Variants in ZNF469 observed in about 807,000 individuals in gnomAD.
ZNF469 encodes zinc finger protein 469.
ZNF469 carries 1 observed loss-of-function variant against 1.0 expected under a neutral mutation model. That is an observed-to-expected ratio of 1.00 (90% CI 0.35 to 4.73). ZNF469 has a LOEUF of 4.73. ZNF469 is among the 30% of genes most tolerant of loss of function. The pLI is 0.16. For synonymous variants in ZNF469, 2,703 were observed against 2,363.4 expected (o/e 1.14, Z -4.17); for missense variants, 6,100 against 5,356.3 (o/e 1.14, Z -4.33).
At chr16:88,126,315 G>C in the ZNF469 span, among the ~76,000 whole-genome samples, 2 of 148,858 alleles carry the variant, frequency 1.3e-5, no homozygotes, top group Non-Finnish European at 3.0e-5. Flanking sequence ...TGTCTTTACT[G>C]TACTGGCTGG....
In ZNF469 at chr16:88,438,727, G is replaced by A. The variant is rs1433165649; in HGVS notation, c.11257G>A (p.Ala3753Thr). The A allele has an allele frequency of 1.3e-6, 2 of 1,550,032 alleles. No homozygotes were observed. Among genetic ancestry groups the A allele is most frequent in the Non-Finnish European group, 1.7e-6 (2 of 1,146,850 alleles). The change falls in exon 3 of 3, where the codon GCC becomes ACC. Residue 3753 changes from alanine (A) to threonine (T), a missense_variant. Coordinates refer to ENST00000565624, the MANE Select transcript of ZNF469 (RefSeq NM_001367624.2). The stretch of plus-strand genomic sequence containing the variant: ...AGGAGGTGGCAGCCAGCCCCAGCCA[G>A]CCAGCGGGCAGCTCCAGAGCGAGAC... ...KTGGGSQPQPASGQLQSETAT... is the reference protein window; with the variant it reads ...KTGGGSQPQPTSGQLQSETAT...
the ZNF469 span, among the ~76,000 whole-genome samples, chr16:88,138,644 ATTAACC>A: frequency 6.6e-6 from 1 of 152,244 alleles, no homozygotes; most frequent in African/African-American, 2.4e-5. Context: ...CCATCACCAG[ATTAACC>A]TCTAAATCCA....
chr16:88,212,831 G>A, the ZNF469 span, among the ~76,000 whole-genome samples: 4 of 152,154 alleles, frequency 2.6e-5, no homozygotes, highest in Non-Finnish European at 5.9e-5. Flanking sequence ...CAATCCGCCT[G>A]CATTGGCCTC....
the ZNF469 span, among the ~76,000 whole-genome samples, chr16:88,363,009 C>A: frequency 3.2e-4 from 49 of 152,248 alleles, no homozygotes; most frequent in Admixed American, 3.0e-3. Context: ...CAGGAAATTT[C>A]TCATTTCAGA....
At position 88,429,221 on chromosome 16, in the gene ZNF469, T is replaced by C; in HGVS notation, c.1751T>C (p.Val584Ala). ...CCCAGCCTGCCCCCACCGAGGGTAG[T>C]GGGAGCCTCCCCCAGCGAGTCCCCA... Reference protein sequence around the residue: ...GTPSLPPPRVVGASPSESPLP... With the variant: ...GTPSLPPPRVAGASPSESPLP... Residue 584 changes from valine (V) to alanine (A), a missense_variant, in exon 3 of 3, where the codon GTG (valine) becomes GCG (alanine). Physicochemically the swap from Val to Ala is moderately conservative, Grantham distance 64 (BLOSUM62 0). Transcript: ENST00000565624. 1.3e-6 allele frequency: 2 copies of C among 1,549,542 alleles called. No individual in the cohort carries two copies. Among genetic ancestry groups the C allele is most frequent in the Non-Finnish European group, 1.7e-6 (2 of 1,146,736 alleles).
chr16:88,242,481 A>G, the ZNF469 span, among the ~76,000 whole-genome samples: 1 of 152,098 alleles, frequency 6.6e-6, no homozygotes, highest in Non-Finnish European at 1.5e-5. Context: ...TCCTAGAAGG[A>G]CACCAGGCAG....
In ZNF469 at chr16:88,429,167, C is replaced by A. The variant is rs181785233; in HGVS notation, c.1697C>A (p.Ala566Asp). The A allele has an allele frequency of 6.5e-7, 1 of 1,549,840 alleles. No homozygotes were observed. The highest frequency in any genetic ancestry group is 8.7e-7 in the Non-Finnish European group (1 of 1,146,872). The change falls in exon 3 of 3, where the codon GCC (alanine) becomes GAC (aspartate). Residue 566 changes from alanine (A) to aspartate (D), a missense_variant. Transcript: ENST00000565624. ...PGAQPLFFGV[A>D]QPQVSPHGTP... ...GCTCAGCCCCTGTTCTTCGGGGTGG[C>A]CCAGCCCCAGGTTTCACCCCACGGG... is the stretch of plus-strand genomic sequence containing the variant.
the ZNF469 span, among the ~76,000 whole-genome samples, chr16:88,332,121 C>T: frequency 6.6e-6 from 1 of 152,230 alleles, no homozygotes; most frequent in African/African-American, 2.4e-5. Flanking sequence ...AGTCTCTCTC[C>T]ACCCCCTCCT....
the ZNF469 span, among the ~76,000 whole-genome samples, chr16:88,282,536 A>C: frequency 4.6e-3 from 706 of 152,284 alleles, 5 homozygotes; most frequent in African/African-American, 0.016. Flanking sequence ...CAGAAGACAC[A>C]GTGGTGACCA....
Position 88,433,320 on chromosome 16 carries a change from G to A in ZNF469, c.5850G>A (p.Val1950=), listed in dbSNP as rs992353032. The A allele has an allele frequency of 1.1e-5, 17 of 1,550,190 alleles. No individual in the cohort carries two copies. The Admixed American group carries it at 2.4e-4, about 21-fold the overall frequency. Residue 1950 remains valine, a synonymous_variant, in exon 3 of 3, where the codon GTG becomes GTA. Transcript: ENST00000565624. ...LEGGTVEGGK[V]ACGPAQGSPG... The stretch of plus-strand genomic sequence containing the variant: ...GGGGCACTGTGGAAGGAGGGAAGGT[G>A]GCCTGTGGCCCCGCCCAGGGCTCCC...
the ZNF469 span, among the ~76,000 whole-genome samples, chr16:88,310,180 T>C: frequency 6.6e-6 from 1 of 152,128 alleles, no homozygotes; most frequent in East Asian, 1.9e-4. Context: ...AGCAAATCTC[T>C]GCAGAACCCT....
At chr16:88,118,759 CTTTA>C in the ZNF469 span, among the ~76,000 whole-genome samples, 3 of 152,218 alleles carry the variant, frequency 2.0e-5, no homozygotes, top group African/African-American at 7.2e-5. Context: ...ATGTCAAAGA[CTTTA>C]TTTAACTCAT....
chr16:88,279,667 A>G, the ZNF469 span, among the ~76,000 whole-genome samples: 24 of 108,660 alleles, frequency 2.2e-4, no homozygotes, highest in East Asian at 1.8e-3. Flanking sequence ...ATCAGTGCAC[A>G]GTTAGTGCTG....
At chr16:88,255,165 C>A in the ZNF469 span, among the ~76,000 whole-genome samples, 11 of 152,228 alleles carry the variant, frequency 7.2e-5, no homozygotes, top group African/African-American at 2.7e-4. Flanking sequence ...AAGACATTCA[C>A]AGTTGGGCTG....
chr16:88,348,464 G>C, the ZNF469 span, among the ~76,000 whole-genome samples: 1 of 152,186 alleles, frequency 6.6e-6, no homozygotes, highest in Admixed American at 6.5e-5. Context: ...CCCAGGGTTG[G>C]GACATGGGCA....
intron 1 of ZNF469, among the ~76,000 whole-genome samples, chr16:88,402,250 C>T (rs1904903923): frequency 1.3e-5 from 2 of 152,028 alleles, no homozygotes; most frequent in Non-Finnish European, 2.9e-5. Context: ...GTCTTCCAGG[C>T]ACCAGAAGCA....
chr16:88,212,844 A>T, the ZNF469 span, among the ~76,000 whole-genome samples: 1 of 152,146 alleles, frequency 6.6e-6, no homozygotes, highest in Admixed American at 6.5e-5. Flanking sequence ...TTGGCCTCAC[A>T]AAGTGCTGGA....
the ZNF469 span, among the ~76,000 whole-genome samples, chr16:88,362,807 C>CATTG: frequency 1.3e-5 from 2 of 152,274 alleles, no homozygotes; most frequent in South Asian, 4.2e-4. Flanking sequence ...ATTTTTGACC[C>CATTG]ATTGTCACCC....
At chr16:88,202,429 C>T in the ZNF469 span, among the ~76,000 whole-genome samples, 3 of 152,252 alleles carry the variant, frequency 2.0e-5, no homozygotes, top group African/African-American at 7.2e-5. Context: ...TTCCAGGTGC[C>T]CCCGTGGATA....
Sources: gnomAD v4.1 joint callset for allele counts (sites outside exome capture counted in the v4.1 genomes callset) on GRCh38, gnomAD v4.1.1 for gene constraint, MANE v1.5 for transcripts, NCBI Gene and HGNC (gene_info 2026-07-23, HGNC 2026-07-21) for gene names.